TRIM2: variants seen among roughly 807,000 people sequenced by gnomAD.
The protein encoded by TRIM2 is tripartite motif containing 2, also known as tripartite motif-containing protein 2.
In TRIM2, 20 loss-of-function variants were observed where a neutral mutation model predicts 75.2. That is an observed-to-expected ratio of 0.27 (90% confidence interval 0.19 to 0.39). The LOEUF (loss-of-function observed/expected upper bound fraction) is 0.39, where lower values mean the gene tolerates loss of function less well. TRIM2 is among the 10% of genes least tolerant of loss of function. The pLI is 1.00. For synonymous variants in TRIM2, 373 were observed against 388.3 expected (o/e 0.96, Z 0.46); for missense variants, 660 against 990.8 (o/e 0.67, Z 4.48).
At chr4:153,237,724 C>T (rs1291113739) in intron 1 of TRIM2, among the ~76,000 whole-genome samples, 1 of 152,064 alleles carries the variant, frequency 6.6e-6, no homozygotes, top group Non-Finnish European at 1.5e-5. Context: ...AATGTAAATA[C>T]ATAAACACAT....
chr4:153,269,528 T>C (rs1015822316), intron 1 of TRIM2, among the ~76,000 whole-genome samples: 1 of 152,212 alleles, frequency 6.6e-6, no homozygotes, highest in Non-Finnish European at 1.5e-5. Context: ...TATATAGCTT[T>C]CAGCTCAAAA....
chr4:153,200,781 C>T (rs546606294), upstream of TRIM2, among the ~76,000 whole-genome samples: 4 of 143,446 alleles, frequency 2.8e-5, no homozygotes, highest in South Asian at 6.7e-4. Flanking sequence ...AGTGGCACCT[C>T]ATTGTGGTTT....
intron 1 of TRIM2, among the ~76,000 whole-genome samples, chr4:153,231,467 T>A (rs187212608): frequency 6.6e-6 from 1 of 152,096 alleles, no homozygotes; most frequent in Non-Finnish European, 1.5e-5. Context: ...CAATGGGCAT[T>A]GGGAACAACC....
At chr4:153,250,935 G>C (rs541811975) in intron 1 of TRIM2, among the ~76,000 whole-genome samples, 1 of 152,278 alleles carries the variant, frequency 6.6e-6, no homozygotes, top group African/African-American at 2.4e-5. Flanking sequence ...CCAGTGCCTT[G>C]TATACCACCT....
intron 1 of TRIM2, among the ~76,000 whole-genome samples, chr4:153,262,058 C>T (rs1020907569): frequency 6.6e-6 from 1 of 152,126 alleles, no homozygotes; most frequent in African/African-American, 2.4e-5. Flanking sequence ...TTGGCAAGCC[C>T]CCATTAATAA....
At chr4:153,294,767 G>A (rs1360687399) in intron 5 of TRIM2, among the ~76,000 whole-genome samples, 1 of 152,156 alleles carries the variant, frequency 6.6e-6, no homozygotes, top group East Asian at 1.9e-4. Context: ...TCATTCCTCA[G>A]TTATAACATG....
In TRIM2 at chr4:153,315,888, G is replaced by T. The variant is rs150231451; in HGVS notation, c.1671G>T (p.Pro557=). 108 of 1,614,048 alleles carry T rather than the reference G, an allele frequency of 6.7e-5. No homozygotes were observed. The African/African-American group carries it at 1.3e-3, about 19-fold the overall frequency. ...KSRFGIRGRS[P]GQLQRPTGVA... is the part of the protein sequence containing the mutation. ...GTTTTGGCATACGGGGACGCTCTCCGGGGCAGCTGCAGCGGCCCACAGGAG... is the reference window on the plus strand; with the variant it reads ...GTTTTGGCATACGGGGACGCTCTCCTGGGCAGCTGCAGCGGCCCACAGGAG... Residue 557 remains proline, a synonymous_variant, in exon 8 of 12, where the codon CCG becomes CCT. Coordinates refer to ENST00000338700, the MANE Select transcript of TRIM2 (RefSeq NM_015271.5).
chr4:153,165,149 C>A (rs1463650967), intron 1 of TRIM2, among the ~76,000 whole-genome samples: 1 of 152,182 alleles, frequency 6.6e-6, no homozygotes, highest in Non-Finnish European at 1.5e-5. Flanking sequence ...TTTATTTCCG[C>A]CCCAAGATGC....
chr4:153,182,204 C>T (rs75000651), intron 1 of TRIM2, among the ~76,000 whole-genome samples: 47 of 152,230 alleles, frequency 3.1e-4, no homozygotes, highest in African/African-American at 6.7e-4. Context: ...GGGGTAAGAG[C>T]GCCAAGGAGG....
At chr4:153,206,609 G>A (rs1051763971) in intron 1 of TRIM2, among the ~76,000 whole-genome samples, 1 of 152,094 alleles carries the variant, frequency 6.6e-6, no homozygotes, top group Non-Finnish European at 1.5e-5. Context: ...TTTTATGGAG[G>A]CCTCATTACA....
At chr4:153,198,920 T>C (rs1427339157) in intron 1 of TRIM2, among the ~76,000 whole-genome samples, 2 of 152,204 alleles carry the variant, frequency 1.3e-5, no homozygotes, top group Non-Finnish European at 2.9e-5. Context: ...AAAATTTTAA[T>C]TAGATGATGA....
chr4:153,320,058 T>C (rs1678033327), intron 8 of TRIM2, among the ~76,000 whole-genome samples: 3 of 152,214 alleles, frequency 2.0e-5, no homozygotes, highest in Admixed American at 2.0e-4. Context: ...ATGACATTCT[T>C]GTTTTAATCA....
intron 1 of TRIM2, among the ~76,000 whole-genome samples, chr4:153,183,239 T>A (rs986674445): frequency 1.3e-5 from 2 of 152,224 alleles, no homozygotes; most frequent in Non-Finnish European, 2.9e-5. Flanking sequence ...TGGGCAGTGA[T>A]GCATGGGCTG....
intron 1 of TRIM2, among the ~76,000 whole-genome samples, chr4:153,197,042 G>A (rs1251197754): frequency 6.6e-6 from 1 of 152,236 alleles, no homozygotes; most frequent in African/African-American, 2.4e-5. Context: ...CCATTGGCAT[G>A]TTTGGAAAGA....
chr4:153,158,035 G>A (rs1038923230), intron 1 of TRIM2, among the ~76,000 whole-genome samples: 1 of 152,320 alleles, frequency 6.6e-6, no homozygotes, highest in Admixed American at 6.5e-5. Flanking sequence ...TACACAGTCA[G>A]TTTGTGTTTT....
chr4:153,186,968 G>T (rs552374725), intron 1 of TRIM2, among the ~76,000 whole-genome samples: 1 of 152,224 alleles, frequency 6.6e-6, no homozygotes, highest in Admixed American at 6.5e-5. Flanking sequence ...AATAGTAAAG[G>T]CTGTTTAATG....
At position 153,338,001 on chromosome 4, in the gene TRIM2, T is replaced by C. The variant is rs1772649216; in HGVS notation, c.*3035T>C. 2.0e-6 allele frequency: 2 copies of C among 985,758 alleles called. No homozygotes were observed. The highest frequency in any genetic ancestry group is 1.2e-4 in the Admixed American group (2 of 16,264). 61.1% of individuals were successfully genotyped at this position (985,758 alleles called of 1,614,324 possible). A position where few individuals can be genotyped will look rare whatever the true frequency, so the allele number is the denominator to read the frequency against. ...TATGACTGTTTGCCATTTTTTTTAA[T>C]GGTACTTAGTATTTTGATCAAACTT... On this transcript the variant is annotated 3_prime_UTR_variant, in exon 12 of 12. Coordinates refer to ENST00000338700, the MANE Select transcript of TRIM2 (RefSeq NM_015271.5).
intron 1 of TRIM2, among the ~76,000 whole-genome samples, chr4:153,225,172 C>T (rs185218936): frequency 3.6e-4 from 55 of 152,282 alleles, no homozygotes; most frequent in Middle Eastern, 3.4e-3. Flanking sequence ...ATTATCAGAA[C>T]TTTCTCCTTC....
At chr4:153,187,397 A>G (rs576592796) in intron 1 of TRIM2, among the ~76,000 whole-genome samples, 9 of 152,298 alleles carry the variant, frequency 5.9e-5, no homozygotes, top group Admixed American at 4.6e-4. Flanking sequence ...AAGGTTGTCA[A>G]TGTGTCAGCT....
Sources: allele counts gnomAD v4.1 joint callset (sites outside exome capture counted in the v4.1 genomes callset), GRCh38; gene constraint gnomAD v4.1.1; transcripts MANE v1.5; gene names NCBI Gene and HGNC (gene_info 2026-07-23, HGNC 2026-07-21).